DDX24: variants seen among roughly 807,000 people sequenced by gnomAD.
DDX24 encodes the protein ATP-dependent RNA helicase DDX24.
DDX24 carries 24 observed loss-of-function variants against 68.9 expected under a neutral mutation model. The ratio of observed to expected loss-of-function variants is 0.35; its 90% CI spans 0.25 to 0.49. DDX24 has a LOEUF of 0.49. Among genes scored for constraint, DDX24 ranks in the 20% least tolerant of loss-of-function variants. The pLI, the probability that DDX24 is intolerant of heterozygous loss-of-function variation, is 0.99. For missense variants in DDX24, 989 were observed against 1,039.0 expected (o/e 0.95, Z 0.66); for synonymous variants, 395 against 385.2 (o/e 1.03, Z -0.30).
chr14:94,068,854 A>T (rs903263464), intron 2 of DDX24, among the ~76,000 whole-genome samples: 1 of 152,238 alleles, frequency 6.6e-6, no homozygotes, highest in Admixed American at 6.5e-5. Context: ...TCTAGGATAC[A>T]GCAAAGGCAG....
intron 2 of DDX24, among the ~76,000 whole-genome samples, chr14:94,069,442 A>G (rs1385548445): frequency 6.6e-6 from 1 of 152,142 alleles, no homozygotes; most frequent in Non-Finnish European, 1.5e-5. Context: ...CATTCAAAGA[A>G]CTGGTCCCAA....
intron 2 of DDX24, among the ~76,000 whole-genome samples, chr14:94,071,277 G>A (rs1885822099): frequency 6.6e-6 from 1 of 152,194 alleles, no homozygotes; most frequent in Non-Finnish European, 1.5e-5. Flanking sequence ...CTAATGATCA[G>A]GGAAATGCAA....
chr14:94,058,887 G>A (rs949943273), intron 5 of DDX24, among the ~76,000 whole-genome samples: 1 of 152,148 alleles, frequency 6.6e-6, no homozygotes, highest in Non-Finnish European at 1.5e-5. Context: ...CCGCAAAAGA[G>A]GATATTGACA....
At chr14:94,071,512 G>A (rs1253491855) in intron 2 of DDX24, among the ~76,000 whole-genome samples, 1 of 152,162 alleles carries the variant, frequency 6.6e-6, no homozygotes, top group Non-Finnish European at 1.5e-5. Flanking sequence ...AGTCGGGCAT[G>A]GTGGCAGGCA....
chr14:94,073,333 C>T (rs931675609), intron 2 of DDX24, among the ~76,000 whole-genome samples: 2 of 152,098 alleles, frequency 1.3e-5, no homozygotes, highest in Admixed American at 6.5e-5. Flanking sequence ...GATCCACATG[C>T]CTTGGCCTCC....
At chr14:94,065,596 C>T (rs559662419) in intron 2 of DDX24, among the ~76,000 whole-genome samples, 1 of 152,282 alleles carries the variant, frequency 6.6e-6, no homozygotes, top group South Asian at 2.1e-4. Flanking sequence ...CAAGAACAAA[C>T]CAGTAATCCT....
Position 94,051,375 on chromosome 14 carries a change from G to A in DDX24, c.2396C>T (p.Pro799Leu). 6 of 1,612,350 alleles carry A rather than the reference G, an allele frequency of 3.7e-6. No individual in the cohort carries two copies. Among genetic ancestry groups the A allele is most frequent in the Non-Finnish European group, 5.1e-6 (6 of 1,179,514 alleles). Residue 799 changes from proline to leucine, a missense_variant, in exon 9 of 9, where the codon CCA becomes CTA. Around this residue, in one of 3 missense-constraint regions of DDX24, gnomAD observed 691 missense variants for 760.0 expected, o/e 0.91. Transcript: ENST00000621632. ...GGTTTTCTGGCTCTCCGTAAACAGT[G>A]GCTGGGACAGCAGGTGGCGCAGCTC... Reference protein sequence around the residue: ...KKELRHLLSQPLFTESQKTKY... With the variant: ...KKELRHLLSQLLFTESQKTKY...
At chr14:94,070,085 C>T (rs1018160872) in intron 2 of DDX24, among the ~76,000 whole-genome samples, 2 of 152,110 alleles carry the variant, frequency 1.3e-5, no homozygotes, top group Non-Finnish European at 2.9e-5. Context: ...GCACTGTTTG[C>T]TGATGATATG....
In DDX24 at chr14:94,058,796, A is replaced by C. The variant is rs142629414; in HGVS notation, c.1914-899T>G. 8.6e-3 allele frequency among the ~76,000 whole-genome samples: 1,305 copies of C among 152,368 alleles called. 8 individuals are homozygous for C. Among genetic ancestry groups the C allele is most frequent in the Non-Finnish European group, 0.014 (951 of 68,036 alleles). On this transcript the variant is annotated intron_variant, in intron 5 of 8. Transcript: ENST00000621632. ...TAAACTACTGCTCTGGATCAAGGTC[A>C]GCAAACTTTTTCTGTAAAGAGCCAG... is the stretch of plus-strand genomic sequence containing the variant.
At chr14:94,078,223 G>C (rs1187450188) in intron 2 of DDX24, among the ~76,000 whole-genome samples, 1 of 152,160 alleles carries the variant, frequency 6.6e-6, no homozygotes, top group Non-Finnish European at 1.5e-5. Flanking sequence ...TTTTATATCA[G>C]AGACTTGAGC....
chr14:94,052,801 G>A (rs1885411946), intron 8 of DDX24, among the ~76,000 whole-genome samples, 197 bp downstream of exon 8: 1 of 152,198 alleles, frequency 6.6e-6, no homozygotes, highest in African/African-American at 2.4e-5. Context: ...GGCAGCTGAG[G>A]GCACAAGACA....
chr14:94,068,600 C>T (rs1041824832), intron 2 of DDX24, among the ~76,000 whole-genome samples: 14 of 152,094 alleles, frequency 9.2e-5, no homozygotes, highest in African/African-American at 3.4e-4. Flanking sequence ...CAAGATAGAC[C>T]ATATGATAGG....
At chr14:94,064,633 C>A (rs1347531560) in intron 2 of DDX24, among the ~76,000 whole-genome samples, 2 of 152,326 alleles carry the variant, frequency 1.3e-5, no homozygotes, top group East Asian at 3.9e-4. Context: ...ACCATGAAAA[C>A]TCCATGCCCT....
At chr14:94,056,288 G>A (rs903925089) in intron 6 of DDX24, 10 of 152,226 alleles carry the variant, frequency 6.6e-5, no homozygotes, top group Non-Finnish European at 1.2e-4. Flanking sequence ...ACTGATGGCT[G>A]ATAGCCCCCC....
intron 5 of DDX24, among the ~76,000 whole-genome samples, chr14:94,059,493 A>G (rs1481170060): frequency 6.6e-6 from 1 of 152,248 alleles, no homozygotes; most frequent in Non-Finnish European, 1.5e-5. Flanking sequence ...GATAATGGTA[A>G]TAAGTAGTAA....
intron 2 of DDX24, among the ~76,000 whole-genome samples, chr14:94,069,711 G>T (rs556796404): frequency 2.6e-5 from 4 of 152,244 alleles, no homozygotes; most frequent in Admixed American, 2.6e-4. Flanking sequence ...TTTAACATAT[G>T]CAAGTCAATA....
At chr14:94,053,358 C>CTTTTTTTTTTTT (rs1160011824) in intron 7 of DDX24, 1 of 119,188 alleles carries the variant, frequency 8.4e-6, no homozygotes. Flanking sequence ...TAGGTAATTT[C>CTTTTTTTTTTTT]TTTTTTTTTT....
At chr14:94,066,384 A>G (rs940039732) in intron 2 of DDX24, among the ~76,000 whole-genome samples, 1 of 152,114 alleles carries the variant, frequency 6.6e-6, no homozygotes, top group Non-Finnish European at 1.5e-5. Flanking sequence ...CTGCCCCCAC[A>G]TGATGGTCCT....
In DDX24 at chr14:94,079,176, T is replaced by C. The variant is rs1436238642; in HGVS notation, c.567A>G (p.Ala189=). 4 of 1,614,236 alleles carry C rather than the reference T, an allele frequency of 2.5e-6. No individual in the cohort carries two copies. Among genetic ancestry groups the C allele is most frequent in the African/African-American group, 1.3e-5 (1 of 75,060 alleles). ...TWIPEVHDQK[A]DVSAWKDLFV... ...ACAGGTCCTTCCAAGCTGACACATC[T>C]GCTTTCTGATCATGAACTTCAGGAA... The change falls in exon 2 of 9, where the codon GCA becomes GCG. Residue 189 remains alanine (A), a synonymous_variant. Transcript: ENST00000621632.
Sources: allele counts gnomAD v4.1 joint callset (sites outside exome capture counted in the v4.1 genomes callset), GRCh38; gene constraint gnomAD v4.1.1; regional missense constraint gnomAD v4.1.1; transcripts MANE v1.5; gene names NCBI Gene and HGNC (gene_info 2026-07-23, HGNC 2026-07-21).